The following PTPRG variants were observed in gnomAD, a reference collection of about 807,000 sequenced individuals.
PTPRG encodes the protein protein tyrosine phosphatase receptor type G.
In PTPRG, 102 loss-of-function variants were observed where a neutral mutation model predicts 165.3. The observed-to-expected ratio is 0.62, with a 90% CI of 0.53 to 0.73. The LOEUF is 0.73. PTPRG is among the 30% of genes least tolerant of loss of function. The pLI, the probability that PTPRG is intolerant of heterozygous loss-of-function variation, is 0.00. For missense variants in PTPRG, 1,866 were observed against 1,861.4 expected (o/e 1.00, Z -0.05); for synonymous variants, 675 against 669.5 (o/e 1.01, Z -0.13).
At chr3:61,818,867 A>AAATAGTG (rs1241430854) in intron 2 of PTPRG, among the ~76,000 whole-genome samples, 1 of 90,840 alleles carries the variant, frequency 1.1e-5, no homozygotes. Flanking sequence ...GTGAATAGTG[A>AAATAGTG]AATAGTGAAT....
At chr3:62,204,921 A>G (rs1487866768) in intron 12 of PTPRG, among the ~76,000 whole-genome samples, 3 of 152,190 alleles carry the variant, frequency 2.0e-5, no homozygotes, top group Non-Finnish European at 4.4e-5. Context: ...GGCTTTTCTT[A>G]ATAAGAAATT....
At chr3:62,232,021 A>G (rs955479139) in intron 14 of PTPRG, among the ~76,000 whole-genome samples, 2 of 152,160 alleles carry the variant, frequency 1.3e-5, no homozygotes, top group African/African-American at 2.4e-5. Context: ...ATATCTTTTA[A>G]TATTAAGTTG....
chr3:62,167,138 G>C (rs1705020407), intron 7 of PTPRG, among the ~76,000 whole-genome samples: 1 of 152,144 alleles, frequency 6.6e-6, no homozygotes, highest in South Asian at 2.1e-4. Context: ...ACTTAACTGT[G>C]TGCTAAGCAA....
intron 5 of PTPRG, among the ~76,000 whole-genome samples, chr3:62,121,528 C>T (rs1013114991): frequency 3.2e-4 from 48 of 152,180 alleles, no homozygotes; most frequent in African/African-American, 1.2e-3. Context: ...TACTTAACCA[C>T]TACACTAGTC....
chr3:61,832,897 A>G (rs2036343058), intron 2 of PTPRG, among the ~76,000 whole-genome samples: 1 of 152,010 alleles, frequency 6.6e-6, no homozygotes, highest in South Asian at 2.1e-4. Flanking sequence ...CAGCGTTATC[A>G]TTCCTATGTC....
intron 4 of PTPRG, among the ~76,000 whole-genome samples, chr3:62,052,399 C>T (rs907224136): frequency 5.9e-5 from 9 of 152,104 alleles, no homozygotes; most frequent in Non-Finnish European, 8.8e-5. Flanking sequence ...ATGCAGTGAC[C>T]ACTGTTCTGT....
At chr3:62,181,339 T>A (rs1705641351) in intron 8 of PTPRG, among the ~76,000 whole-genome samples, 1 of 152,154 alleles carries the variant, frequency 6.6e-6, no homozygotes, top group African/African-American at 2.4e-5. Flanking sequence ...TGGGCCACTC[T>A]CCTCCTCATT....
At chr3:62,192,393 C>CTTTTTTTTTTTTTTTTTTTT (rs71123255) in intron 9 of PTPRG, among the ~76,000 whole-genome samples, 1 of 52,618 alleles carries the variant, frequency 1.9e-5, no homozygotes, top group African/African-American at 6.1e-5. Context: ...CAACTACTGT[C>CTTTTTTTTTTTTTTTTTTTT]TTTTTTTTTT....
At chr3:61,794,770 G>A (rs1367535526) in intron 2 of PTPRG, among the ~76,000 whole-genome samples, 5 of 152,302 alleles carry the variant, frequency 3.3e-5, no homozygotes, top group African/African-American at 9.6e-5. Context: ...TTTATTCCCT[G>A]AATTGGTCTT....
intron 2 of PTPRG, among the ~76,000 whole-genome samples, chr3:61,965,244 CAAA>C (rs57335330): frequency 7.4e-6 from 1 of 134,834 alleles, no homozygotes; most frequent in Admixed American, 7.4e-5. Flanking sequence ...AACTCTGTCT[CAAA>C]AAAAAAAAAA....
chr3:62,021,516 A>C (rs559155487), intron 4 of PTPRG, among the ~76,000 whole-genome samples: 1 of 152,312 alleles, frequency 6.6e-6, no homozygotes, highest in South Asian at 2.1e-4. Flanking sequence ...CTTTTTGTTA[A>C]AATACAATAC....
intron 5 of PTPRG, among the ~76,000 whole-genome samples, chr3:62,114,276 G>C (rs1436072867): frequency 6.6e-6 from 1 of 152,086 alleles, no homozygotes; most frequent in African/African-American, 2.4e-5. Flanking sequence ...TCCAGCCTGG[G>C]CAACCGAGTG....
intron 2 of PTPRG, among the ~76,000 whole-genome samples, chr3:61,872,476 G>T (rs2107447530): frequency 6.6e-6 from 1 of 152,250 alleles, no homozygotes; most frequent in East Asian, 1.9e-4. Flanking sequence ...TATTTTGTCT[G>T]GCCGAACTCC....
At chr3:61,600,178 A>ATG (rs1559518869) in intron 1 of PTPRG, among the ~76,000 whole-genome samples, 1 of 78,896 alleles carries the variant, frequency 1.3e-5, no homozygotes, top group African/African-American at 4.2e-5. Flanking sequence ...AAAAAAATAT[A>ATG]TATATATATA....
chr3:61,735,975 T>A (rs1207392355), intron 1 of PTPRG, among the ~76,000 whole-genome samples: 1 of 151,478 alleles, frequency 6.6e-6, no homozygotes, highest in Non-Finnish European at 1.5e-5. Context: ...TGGCGTGATC[T>A]CAGCTCACTG....
intron 4 of PTPRG, among the ~76,000 whole-genome samples, chr3:62,016,664 T>A (rs2041551326): frequency 6.6e-6 from 1 of 152,210 alleles, no homozygotes; most frequent in Non-Finnish European, 1.5e-5. Flanking sequence ...TAACCAAAGC[T>A]TTCTTTTAAA....
intron 6 of PTPRG, among the ~76,000 whole-genome samples, chr3:62,151,949 G>A (rs1370330924): frequency 6.6e-6 from 1 of 152,096 alleles, no homozygotes; most frequent in African/African-American, 2.4e-5. Flanking sequence ...TACAGATGAG[G>A]AAACACTTAC....
intron 2 of PTPRG, among the ~76,000 whole-genome samples, chr3:61,984,330 C>T (rs2040707477): frequency 6.6e-6 from 1 of 152,096 alleles, no homozygotes; most frequent in Admixed American, 6.6e-5. Context: ...TTTATATAAG[C>T]TTAAATAATA....
chr3:61,613,248 A>G (rs9868529), intron 1 of PTPRG, among the ~76,000 whole-genome samples: 4,277 of 152,296 alleles, frequency 0.028, 195 homozygotes, highest in African/African-American at 0.096. Context: ...CAGAGAGATG[A>G]AAATATGCTA....
Sources: allele counts gnomAD v4.1 joint callset (sites outside exome capture counted in the v4.1 genomes callset), GRCh38; gene constraint gnomAD v4.1.1; transcripts MANE v1.5; gene names NCBI Gene and HGNC (gene_info 2026-07-23, HGNC 2026-07-21).